The following WIPF3 variants were observed in gnomAD, a reference collection of about 807,000 sequenced individuals.
WIPF3 encodes WAS/WASL-interacting protein family member 3.
Under a neutral mutation model 38.9 loss-of-function variants are expected in WIPF3, and 33 were observed. That is an observed-to-expected ratio of 0.85 (90% CI 0.64 to 1.14). WIPF3 has a LOEUF of 1.14. Ranked by LOEUF, WIPF3 falls within the 50% of genes most tolerant of loss-of-function variation. The pLI, the probability that WIPF3 is intolerant of heterozygous loss-of-function variation, is 0.00. For synonymous variants in WIPF3, 324 were observed against 269.3 expected, an observed-to-expected ratio of 1.20 and a Z score of -1.99; for missense variants, 711 against 652.5, an observed-to-expected ratio of 1.09 and a Z score of -0.98.
intron 1 of WIPF3, among the ~76,000 whole-genome samples, chr7:29,809,626 G>T (rs768476718): frequency 6.6e-6 from 1 of 152,234 alleles, no homozygotes; most frequent in Non-Finnish European, 1.5e-5. Flanking sequence ...GGCAGCACAC[G>T]TGTTTTCTCA....
At chr7:29,841,388 A>C (rs1038297249) in intron 2 of WIPF3, among the ~76,000 whole-genome samples, 2 of 152,186 alleles carry the variant, frequency 1.3e-5, no homozygotes, top group Admixed American at 1.3e-4. Flanking sequence ...AACAGAGAAA[A>C]GGGCTGATGG....
At chr7:29,813,090 G>A (rs1366466552) in intron 1 of WIPF3, among the ~76,000 whole-genome samples, 1 of 152,160 alleles carries the variant, frequency 6.6e-6, no homozygotes, top group Admixed American at 6.5e-5. Flanking sequence ...ACACTACATT[G>A]TCTTGACCAC....
intron 2 of WIPF3, among the ~76,000 whole-genome samples, chr7:29,843,380 G>A (rs1182940715): frequency 6.6e-6 from 1 of 152,198 alleles, no homozygotes; most frequent in African/African-American, 2.4e-5. Context: ...TAATGCCCAG[G>A]ACTTGGCAAG....
At chr7:29,858,268 T>C (rs1785217548) in intron 2 of WIPF3, among the ~76,000 whole-genome samples, 1 of 152,240 alleles carries the variant, frequency 6.6e-6, no homozygotes, top group South Asian at 2.1e-4. Context: ...TCATGGTCTT[T>C]AAATGGCTTC....
intron 8 of WIPF3, chr7:29,905,907 G>A (rs144282135): frequency 6.6e-6 from 1 of 151,964 alleles, no homozygotes; most frequent in African/African-American, 2.4e-5. Flanking sequence ...ATGAAAATTA[G>A]AAAGTGACCA....
chr7:29,822,668 G>A (rs563095746), intron 1 of WIPF3, among the ~76,000 whole-genome samples: 1 of 152,196 alleles, frequency 6.6e-6, no homozygotes, highest in Non-Finnish European at 1.5e-5. Context: ...AGCCACAAAT[G>A]TATCGTCTAC....
At chr7:29,872,592 G>A (rs1785514751) in intron 2 of WIPF3, among the ~76,000 whole-genome samples, 1 of 151,856 alleles carries the variant, frequency 6.6e-6, no homozygotes, top group East Asian at 1.9e-4. Flanking sequence ...AGGAGATCGA[G>A]ACCATCCTGG....
At position 29,844,949 on chromosome 7, in the gene WIPF3, T is replaced by G. The variant is rs1784974842; in HGVS notation, c.90+10135T>G. On this transcript the variant is annotated intron_variant, in intron 2 of 8. Coordinates refer to ENST00000242140, the MANE Select transcript of WIPF3 (RefSeq NM_001080529.3). This position sits in a 1 kb window ranked among gnomAD's most constrained non-coding sequence, Gnocchi z 4.8. ...TTCTCTCAATCTAAAAGCCAGGAAGTCAATGGATTCGGCTCCCCATACCTT... is the reference window on the plus strand; with the variant it reads ...TTCTCTCAATCTAAAAGCCAGGAAGGCAATGGATTCGGCTCCCCATACCTT... Among the ~76,000 whole-genome samples the G allele has an allele frequency of 6.6e-6, 1 of 151,878 alleles. No individual in the cohort carries two copies. The highest frequency in any genetic ancestry group is 2.1e-4 in the South Asian group (1 of 4,820).
intron 2 of WIPF3, among the ~76,000 whole-genome samples, chr7:29,855,265 G>A (rs1009753111): frequency 2.0e-5 from 3 of 152,188 alleles, no homozygotes; most frequent in Non-Finnish European, 2.9e-5. Context: ...TCCCCCAAGT[G>A]TCTGTGCTGT....
At chr7:29,886,579 A>T (rs1331985952) in intron 5 of WIPF3, among the ~76,000 whole-genome samples, 1 of 151,388 alleles carries the variant, frequency 6.6e-6, no homozygotes, top group Non-Finnish European at 1.5e-5. Context: ...CTGGTCTCGA[A>T]CTCCTGACTT....
chr7:29,908,004 C>CT, intron 8 of WIPF3, among the ~76,000 whole-genome samples: 1 of 152,280 alleles, frequency 6.6e-6, no homozygotes, highest in South Asian at 2.1e-4. Flanking sequence ...TAAATCCCTC[C>CT]TTGTCAGTAA....
intron 3 of WIPF3, 146 bp downstream of exon 3, chr7:29,876,108 T>C (rs1785591778): frequency 9.0e-7 from 1 of 1,112,582 alleles, no homozygotes; most frequent in African/African-American, 1.6e-5. Context: ...ACAGGCCAAG[T>C]GGGCGAGAGA....
At chr7:29,887,126 A>G (rs1382575984) in intron 5 of WIPF3, among the ~76,000 whole-genome samples, 2 of 152,348 alleles carry the variant, frequency 1.3e-5, no homozygotes, top group African/African-American at 2.4e-5. Flanking sequence ...CATCTGCTCC[A>G]GAGTAGTGAG....
intron 1 of WIPF3, among the ~76,000 whole-genome samples, chr7:29,815,786 A>C (rs1784445359): frequency 6.6e-6 from 1 of 152,184 alleles, no homozygotes; most frequent in Non-Finnish European, 1.5e-5. Context: ...AGAAGAATTA[A>C]ACTGTAGGGG....
chr7:29,857,598 C>G (rs936522352), intron 2 of WIPF3, among the ~76,000 whole-genome samples: 1 of 152,208 alleles, frequency 6.6e-6, no homozygotes, highest in Middle Eastern at 3.4e-3. Flanking sequence ...CTTCCTATGG[C>G]CCAGCTGCTG....
chr7:29,807,580 T>C (rs536456740), intron 1 of WIPF3, among the ~76,000 whole-genome samples: 1 of 152,278 alleles, frequency 6.6e-6, no homozygotes, highest in South Asian at 2.1e-4. Context: ...GGTGTGCCCG[T>C]GGCGGGCGCC....
At chr7:29,867,637 A>G (rs1386212841) in intron 2 of WIPF3, among the ~76,000 whole-genome samples, 1 of 138,594 alleles carries the variant, frequency 7.2e-6, no homozygotes, top group Non-Finnish European at 1.5e-5. Flanking sequence ...TGAAGATCAA[A>G]TTTTCTCGTA....
At chr7:29,897,456 A>G (rs137994637) in intron 7 of WIPF3, among the ~76,000 whole-genome samples, 34 of 152,158 alleles carry the variant, frequency 2.2e-4, no homozygotes, top group Middle Eastern at 6.8e-3. Context: ...CAATTTCTCT[A>G]TATTCTCTCT....
At chr7:29,843,177 A>G (rs1476563917) in intron 2 of WIPF3, among the ~76,000 whole-genome samples, 2 of 152,206 alleles carry the variant, frequency 1.3e-5, no homozygotes, top group Admixed American at 6.5e-5. Context: ...AAAATGAGCT[A>G]GTGTTGGCAG....
Sources: allele counts gnomAD v4.1 joint callset (sites outside exome capture counted in the v4.1 genomes callset), GRCh38; gene constraint gnomAD v4.1.1; non-coding constraint Gnocchi (gnomAD v3.1); transcripts MANE v1.5; gene names NCBI Gene and HGNC (gene_info 2026-07-23, HGNC 2026-07-21).